Variants in MED13L observed in about 807,000 individuals in gnomAD.
MED13L encodes mediator of RNA polymerase II transcription subunit 13-like.
In MED13L, 7 loss-of-function variants were observed where a neutral mutation model predicts 220.9. The observed-to-expected ratio is 0.03, with a 90% CI of 0.02 to 0.06. MED13L has a LOEUF of 0.06. Among genes scored for constraint, MED13L ranks in the 10% least tolerant of loss-of-function variants. The probability of loss-of-function intolerance (pLI) is 1.00; values close to 1 mark genes in which losing one functional copy is unlikely to be tolerated. For synonymous variants in MED13L, 1,011 were observed against 1,015.2 expected (o/e 1.00, Z 0.08); for missense variants, 1,965 against 2,760.5 (o/e 0.71, Z 6.46).
intron 14 of MED13L, among the ~76,000 whole-genome samples, chr12:116,000,684 T>C (rs1878684801): frequency 1.3e-5 from 2 of 152,348 alleles, no homozygotes; most frequent in Middle Eastern, 3.4e-3. Context: ...TGTAAGAAAG[T>C]GGTTAATAAT....
Position 116,093,377 on chromosome 12 carries a change from TAATC to T in MED13L, c.479+3288_479+3291del, listed in dbSNP as rs552097326. On this transcript the variant is annotated intron_variant, in intron 4 of 30. Coordinates refer to ENST00000281928, the MANE Select transcript of MED13L (RefSeq NM_015335.5). ...GAATTTCTATGTTTCTAAAACTACC[TAATC>T]AAATACATATTTTTAATATATAATA... 1.0e-3 allele frequency among the ~76,000 whole-genome samples: 159 copies of T among 152,230 alleles called. 4 individuals carry two copies. The South Asian group carries it at 0.023, about 22-fold the overall frequency.
intron 1 of MED13L, among the ~76,000 whole-genome samples, chr12:116,266,204 C>T (rs542436405): frequency 1.3e-5 from 2 of 152,308 alleles, no homozygotes; most frequent in East Asian, 3.9e-4. Context: ...CTTTTCATCC[C>T]ATTGGATCTC....
intron 4 of MED13L, among the ~76,000 whole-genome samples, chr12:116,038,823 T>C (rs533824671): frequency 8.0e-5 from 12 of 150,772 alleles, no homozygotes; most frequent in Admixed American, 4.0e-4. Context: ...GCCTTTCTTA[T>C]AGAACGTTAT....
intron 29 of MED13L, 151 bp from the exon 30 acceptor site, chr12:115,963,670 C>T (rs1875929925): frequency 2.9e-6 from 2 of 686,486 alleles, no homozygotes; most frequent in Admixed American, 4.3e-5. Context: ...GCTCAGTAAC[C>T]CCCAAGGTAA....
chr12:116,205,949 T>G (rs1052416393), intron 2 of MED13L, among the ~76,000 whole-genome samples: 5 of 151,734 alleles, frequency 3.3e-5, no homozygotes, highest in Admixed American at 6.6e-5. Context: ...CTTGTTTTTT[T>G]TTTTTTTTTG....
At chr12:116,113,402 C>T (rs888001827) in intron 2 of MED13L, among the ~76,000 whole-genome samples, 5 of 150,376 alleles carry the variant, frequency 3.3e-5, no homozygotes, top group Non-Finnish European at 7.4e-5. Flanking sequence ...TTTGCAAGGC[C>T]GAGGCAGAAG....
At chr12:116,161,230 C>G (rs953005325) in intron 2 of MED13L, among the ~76,000 whole-genome samples, 3 of 152,172 alleles carry the variant, frequency 2.0e-5, no homozygotes, top group African/African-American at 7.2e-5. Flanking sequence ...GATTAAGTTT[C>G]TAACACACAA....
At chr12:116,218,884 C>T (rs1281761605) in intron 2 of MED13L, among the ~76,000 whole-genome samples, 1 of 152,098 alleles carries the variant, frequency 6.6e-6, no homozygotes, top group Admixed American at 6.5e-5. Flanking sequence ...CAGGCATGTG[C>T]CACCACACCT....
At chr12:116,261,161 G>GC (rs971072943) in intron 1 of MED13L, among the ~76,000 whole-genome samples, 6 of 151,798 alleles carry the variant, frequency 4.0e-5, no homozygotes, top group African/African-American at 1.5e-4. Flanking sequence ...CCTTTTTTCT[G>GC]CCCCTCCCTT....
intron 4 of MED13L, among the ~76,000 whole-genome samples, chr12:116,079,815 T>C (rs1871101276): frequency 6.6e-6 from 1 of 152,124 alleles, no homozygotes; most frequent in Non-Finnish European, 1.5e-5. Flanking sequence ...TCCATTTGAA[T>C]ATTTTATCAT....
In MED13L at chr12:116,069,835, C is replaced by T. The variant is rs188961503; in HGVS notation, c.479+26834G>A. Among the ~76,000 whole-genome samples the T allele has an allele frequency of 3.9e-4, 60 of 152,250 alleles. No homozygotes were observed. In the East Asian group the frequency reaches 9.7e-3, roughly 25 times the overall value. ...AATATTGTATAAAACTACCTTCAGG[C>T]TACATGTGTAAGATGTATAGGAAAT... On this transcript the variant is annotated intron_variant, in intron 4 of 30. Transcript: ENST00000281928.
In MED13L at chr12:116,240,993, G is replaced by A. The variant is rs545862122; in HGVS notation, c.73-3288C>T. Among the ~76,000 whole-genome samples, 3 of 152,060 alleles carry A rather than the reference G, an allele frequency of 2.0e-5. No homozygotes were observed. In the South Asian group the frequency reaches 6.2e-4, roughly 32 times the overall value. On this transcript the variant is annotated intron_variant, in intron 1 of 30. Transcript: ENST00000281928. ...TGTGCCTAAGAGCCTTGTGGATGAG[G>A]GAAGAGAAAGAAGGTAATAAAAACA...
intron 2 of MED13L, among the ~76,000 whole-genome samples, chr12:116,145,697 A>ATTTATTTATTTATTTATTTATTTG (rs34084324): frequency 1.4e-5 from 2 of 146,868 alleles, no homozygotes; most frequent in Non-Finnish European, 3.0e-5. Flanking sequence ...TTATTTATTT[A>ATTTATTTATTTATTTATTTATTTG]TTTATTTTAA....
intron 23 of MED13L, among the ~76,000 whole-genome samples, chr12:115,978,313 T>C (rs1877089412): frequency 6.6e-6 from 1 of 151,038 alleles, no homozygotes; most frequent in East Asian, 1.9e-4. Flanking sequence ...CACTGAACTG[T>C]ACAATTTTTT....
chr12:116,109,470 T>C (rs921417262), intron 3 of MED13L, among the ~76,000 whole-genome samples: 3 of 152,114 alleles, frequency 2.0e-5, no homozygotes, highest in African/African-American at 7.2e-5. Flanking sequence ...CTTAAAAGAA[T>C]GTAATTCATT....
chr12:116,211,549 A>G (rs1418922620), intron 2 of MED13L, among the ~76,000 whole-genome samples: 2 of 152,304 alleles, frequency 1.3e-5, no homozygotes, highest in East Asian at 3.9e-4. Context: ...ATCGGCCTAC[A>G]AGGCTCCTAA....
chr12:116,052,830 A>AG (rs542387089), intron 4 of MED13L, among the ~76,000 whole-genome samples: 6 of 152,250 alleles, frequency 3.9e-5, no homozygotes, highest in Non-Finnish European at 7.3e-5. Context: ...AAAATTAACA[A>AG]GGAAGAATTT....
intron 2 of MED13L, among the ~76,000 whole-genome samples, chr12:116,192,016 G>T (rs751412338): frequency 5.0e-4 from 76 of 152,226 alleles, no homozygotes; most frequent in Non-Finnish European, 9.4e-4. Context: ...TAGTTAAAAT[G>T]AGTGTGCTAA....
At chr12:115,979,214 A>G (rs1877160369) in intron 23 of MED13L, among the ~76,000 whole-genome samples, 1 of 152,202 alleles carries the variant, frequency 6.6e-6, no homozygotes. Context: ...TCCTGTTCCA[A>G]GCAAAATGGA....
Sources: gnomAD v4.1 joint callset for allele counts (sites outside exome capture counted in the v4.1 genomes callset) on GRCh38, gnomAD v4.1.1 for gene constraint, MANE v1.5 for transcripts, NCBI Gene and HGNC (gene_info 2026-07-23, HGNC 2026-07-21) for gene names.